CACNA2D3: variants seen among roughly 807,000 people sequenced by gnomAD.
CACNA2D3 encodes calcium voltage-gated channel auxiliary subunit alpha2delta 3, also known as voltage-dependent calcium channel subunit alpha-2/delta-3.
CACNA2D3 carries 60 observed loss-of-function variants against 160.6 expected under a neutral mutation model. The observed-to-expected ratio is 0.37, with a 90% CI of 0.30 to 0.46. The LOEUF (loss-of-function observed/expected upper bound fraction) is 0.46. CACNA2D3 is among the 20% of genes least tolerant of loss of function. The probability of loss-of-function intolerance (pLI) is 1.00; values close to 1 mark genes in which losing one functional copy is unlikely to be tolerated. For synonymous variants in CACNA2D3, 558 were observed against 492.9 expected (o/e 1.13, Z -1.75); for missense variants, 1,205 against 1,365.0 (o/e 0.88, Z 1.85).
intron 4 of CACNA2D3, among the ~76,000 whole-genome samples, chr3:54,495,741 C>T (rs1283455164): frequency 6.6e-6 from 1 of 152,148 alleles, no homozygotes; most frequent in Admixed American, 6.5e-5. Flanking sequence ...CAGAGTGAGA[C>T]TCTGTCTCAA....
chr3:54,365,972 T>C (rs2107545028), intron 3 of CACNA2D3, among the ~76,000 whole-genome samples: 1 of 152,270 alleles, frequency 6.6e-6, no homozygotes. Flanking sequence ...GAACAGACAC[T>C]GATGGAGCAC....
chr3:54,985,748 A>G (rs1575422554), intron 30 of CACNA2D3, among the ~76,000 whole-genome samples: 1 of 152,206 alleles, frequency 6.6e-6, no homozygotes. Context: ...GTGGCTTCTT[A>G]GGGTCTGAAA....
intron 14 of CACNA2D3, among the ~76,000 whole-genome samples, chr3:54,820,198 T>G (rs1217872160): frequency 6.6e-6 from 1 of 152,198 alleles, no homozygotes; most frequent in Non-Finnish European, 1.5e-5. Context: ...ACTCTGCCTT[T>G]GTATCATCTG....
chr3:54,123,705 C>G, intron 2 of CACNA2D3, 111 bp downstream of exon 2: 2 of 858,050 alleles, frequency 2.3e-6, no homozygotes, highest in Non-Finnish European at 4.0e-6. Flanking sequence ...TATCGGAGGA[C>G]TCTCTGATCC....
chr3:54,763,097 A>G (rs981837386), intron 12 of CACNA2D3, among the ~76,000 whole-genome samples: 5 of 139,724 alleles, frequency 3.6e-5, no homozygotes, highest in African/African-American at 5.2e-5. Context: ...CAAAAAAAAA[A>G]AAAAAGAAAG....
chr3:54,887,706 A>G (rs906780477), intron 23 of CACNA2D3, among the ~76,000 whole-genome samples: 2 of 152,182 alleles, frequency 1.3e-5, no homozygotes, highest in African/African-American at 4.8e-5. Context: ...TGAGAAAGCA[A>G]GAAACTGAAG....
intron 9 of CACNA2D3, among the ~76,000 whole-genome samples, chr3:54,611,221 CTG>C (rs1204801944): frequency 6.6e-6 from 1 of 152,224 alleles, no homozygotes; most frequent in East Asian, 1.9e-4. Flanking sequence ...TAACTGTACT[CTG>C]TGCATGTGGT....
chr3:54,622,340 A>G (rs1448622935), intron 9 of CACNA2D3, among the ~76,000 whole-genome samples: 3 of 152,110 alleles, frequency 2.0e-5, no homozygotes, highest in African/African-American at 4.8e-5. Flanking sequence ...CAGTGGTGCA[A>G]TCTCAGCTCA....
At chr3:54,891,549 A>G in intron 25 of CACNA2D3, 99 bp downstream of exon 25, 1 of 987,186 alleles carries the variant, frequency 1.0e-6, no homozygotes. Flanking sequence ...ACTGGTAGAA[A>G]CATAATTTAG....
intron 3 of CACNA2D3, among the ~76,000 whole-genome samples, 193 bp downstream of exon 3, chr3:54,320,751 T>G (rs1275933625): frequency 6.6e-6 from 1 of 152,208 alleles, no homozygotes; most frequent in Admixed American, 6.5e-5. Flanking sequence ...TCATAGAGGG[T>G]TCCTGTGCCA....
chr3:54,915,876 G>A (rs1700649723), intron 27 of CACNA2D3, among the ~76,000 whole-genome samples: 1 of 152,178 alleles, frequency 6.6e-6, no homozygotes, highest in Non-Finnish European at 1.5e-5. Flanking sequence ...TGCCCATAAA[G>A]CAGGAAGTCT....
intron 5 of CACNA2D3, among the ~76,000 whole-genome samples, chr3:54,535,715 A>G (rs1471726392): frequency 1.3e-5 from 2 of 152,232 alleles, no homozygotes; most frequent in African/African-American, 4.8e-5. Flanking sequence ...TTAAGAGAAT[A>G]TATGATAGCA....
At chr3:54,255,883 C>A (rs1316012551) in intron 2 of CACNA2D3, among the ~76,000 whole-genome samples, 1 of 152,082 alleles carries the variant, frequency 6.6e-6, no homozygotes, top group African/African-American at 2.4e-5. Flanking sequence ...CATTTTACCC[C>A]CCTGTATAGA....
intron 11 of CACNA2D3, among the ~76,000 whole-genome samples, chr3:54,686,562 G>A (rs1263750069): frequency 6.6e-6 from 1 of 152,158 alleles, no homozygotes; most frequent in East Asian, 1.9e-4. Context: ...TATAATTTAG[G>A]CTTAGTACAT....
intron 4 of CACNA2D3, among the ~76,000 whole-genome samples, chr3:54,427,249 A>G (rs1038865946): frequency 3.3e-5 from 5 of 152,192 alleles, no homozygotes; most frequent in African/African-American, 1.2e-4. Context: ...AAAATTTTTC[A>G]TAAAACACAA....
At chr3:54,861,986 A>G (rs528252328) in intron 17 of CACNA2D3, among the ~76,000 whole-genome samples, 1 of 152,322 alleles carries the variant, frequency 6.6e-6, no homozygotes, top group Non-Finnish European at 1.5e-5. Context: ...ATATCACTGT[A>G]ATTGAGAATC....
intron 27 of CACNA2D3, among the ~76,000 whole-genome samples, chr3:54,957,616 G>T (rs184307859): frequency 5.3e-5 from 8 of 152,132 alleles, no homozygotes; most frequent in Non-Finnish European, 8.8e-5. Flanking sequence ...AGGGAGGGCC[G>T]GTGGGGAAGT....
chr3:55,043,355 T>C (rs34415892), intron 35 of CACNA2D3, among the ~76,000 whole-genome samples: 26,907 of 149,930 alleles, frequency 0.18, 2,569 homozygotes, highest in Non-Finnish European at 0.2. Flanking sequence ...TCTTGCCATT[T>C]TTAAGGGTAC....
At chr3:54,997,739 G>T (rs1702890389) in intron 31 of CACNA2D3, among the ~76,000 whole-genome samples, 1 of 152,052 alleles carries the variant, frequency 6.6e-6, no homozygotes, top group Admixed American at 6.6e-5. Context: ...AAAAGAAAAG[G>T]AAAGAAAATT....
Sources: allele counts gnomAD v4.1 joint callset (sites outside exome capture counted in the v4.1 genomes callset), GRCh38; gene constraint gnomAD v4.1.1; transcripts MANE v1.5; gene names NCBI Gene and HGNC (gene_info 2026-07-23, HGNC 2026-07-21).